Variants in PCDH15 observed in about 807,000 individuals in gnomAD.
The protein encoded by PCDH15 is protocadherin-15.
Under a neutral mutation model 178.5 loss-of-function variants are expected in PCDH15, and 129 were observed. The observed-to-expected ratio is 0.72, with a 90% CI of 0.63 to 0.84. The LOEUF is 0.84. Ranked by LOEUF, PCDH15 falls within the 40% of genes least tolerant of loss-of-function variation. PCDH15 has a pLI of 0.00. For missense variants in PCDH15, 2,230 were observed against 2,099.9 expected (o/e 1.06, Z -1.21); for synonymous variants, 800 against 732.0 (o/e 1.09, Z -1.50).
At chr10:53,909,663 G>C (rs147681140) in intron 25 of PCDH15, among the ~76,000 whole-genome samples, 1,989 of 152,302 alleles carry the variant, frequency 0.013, 16 homozygotes, top group Non-Finnish European at 0.021. Context: ...GTTGGACAGA[G>C]GGTGCAGCCC....
intron 25 of PCDH15, chr10:53,907,110 A>T (rs2082734861): frequency 6.6e-6 from 1 of 152,222 alleles, no homozygotes. Flanking sequence ...TATACAATGT[A>T]CATGACATCA....
At chr10:54,882,270 A>G (rs1004375694) in intron 3 of PCDH15, among the ~76,000 whole-genome samples, 9 of 152,206 alleles carry the variant, frequency 5.9e-5, no homozygotes, top group African/African-American at 2.2e-4. Flanking sequence ...AGCTAAAATA[A>G]AGTTTGCTTC....
chr10:55,101,037 A>G (rs1842563792), intron 2 of PCDH15, among the ~76,000 whole-genome samples: 1 of 152,060 alleles, frequency 6.6e-6, no homozygotes, highest in South Asian at 2.1e-4. Flanking sequence ...ATCATCACTT[A>G]TATGTTATTC....
At chr10:55,260,188 T>C (rs1842113613) in intron 1 of PCDH15, among the ~76,000 whole-genome samples, 1 of 151,996 alleles carries the variant, frequency 6.6e-6, no homozygotes, top group Non-Finnish European at 1.5e-5. Flanking sequence ...ATCCATTATA[T>C]GTGAAAAGAA....
intron 26 of PCDH15, among the ~76,000 whole-genome samples, chr10:53,897,728 C>T (rs2082048624): frequency 6.6e-6 from 1 of 152,072 alleles, no homozygotes; most frequent in East Asian, 1.9e-4. Flanking sequence ...CCCTGGCAGC[C>T]AATATTCTGC....
chr10:54,358,392 C>T (rs1449069922), intron 5 of PCDH15, among the ~76,000 whole-genome samples: 3 of 151,970 alleles, frequency 2.0e-5, no homozygotes, highest in Non-Finnish European at 4.4e-5. Flanking sequence ...ATTTATGCAG[C>T]CAAAAAACAC....
At chr10:54,973,473 A>G (rs1378907597) in intron 2 of PCDH15, among the ~76,000 whole-genome samples, 2 of 152,180 alleles carry the variant, frequency 1.3e-5, no homozygotes, top group Non-Finnish European at 2.9e-5. Flanking sequence ...GTAATTTGCT[A>G]CTATTTTGTG....
intron 1 of PCDH15, among the ~76,000 whole-genome samples, chr10:55,254,623 A>G (rs1296654399): frequency 2.6e-5 from 4 of 152,170 alleles, no homozygotes; most frequent in Admixed American, 6.5e-5. Flanking sequence ...GGAACCTACC[A>G]TTTTTGAAGA....
chr10:54,764,006 C>T (rs760754096), intron 1 of PCDH15, among the ~76,000 whole-genome samples: 8 of 151,320 alleles, frequency 5.3e-5, no homozygotes, highest in African/African-American at 7.3e-5. Context: ...TTAATCGACT[C>T]GAAGAAGAAA....
chr10:54,754,592 T>C (rs1432044193), intron 1 of PCDH15, among the ~76,000 whole-genome samples: 2 of 152,276 alleles, frequency 1.3e-5, no homozygotes, highest in East Asian at 3.9e-4. Flanking sequence ...TTTGAATAAG[T>C]ATTGACACTG....
chr10:54,270,492 G>A (rs192330035), intron 8 of PCDH15, among the ~76,000 whole-genome samples: 1 of 152,080 alleles, frequency 6.6e-6, no homozygotes, highest in Non-Finnish European at 1.5e-5. Flanking sequence ...AGGAAGGTAT[G>A]GGTAAGTTGG....
intron 1 of PCDH15, among the ~76,000 whole-genome samples, chr10:54,728,604 G>A (rs764454359): frequency 6.6e-6 from 1 of 151,238 alleles, no homozygotes; most frequent in African/African-American, 2.4e-5. Context: ...TAATGCAAGA[G>A]GAAGAAATAA....
intron 2 of PCDH15, among the ~76,000 whole-genome samples, chr10:55,009,141 A>G (rs573883414): frequency 5.6e-4 from 86 of 152,236 alleles, no homozygotes; most frequent in African/African-American, 2.0e-3. Context: ...TTCAAACTTC[A>G]TGTTATCCCT....
intron 21 of PCDH15, among the ~76,000 whole-genome samples, chr10:53,987,719 G>C (rs764986152): frequency 2.0e-5 from 3 of 152,088 alleles, no homozygotes; most frequent in African/African-American, 4.8e-5. Flanking sequence ...CCGCCCATGG[G>C]TTCCTAATCA....
chr10:54,048,114 G>C (rs1420079377), intron 18 of PCDH15, among the ~76,000 whole-genome samples: 1 of 152,072 alleles, frequency 6.6e-6, no homozygotes, highest in Non-Finnish European at 1.5e-5. Flanking sequence ...ACTGGTGTGA[G>C]ATGGTATCTC....
chr10:54,589,639 T>C (rs1295029100), intron 2 of PCDH15, among the ~76,000 whole-genome samples: 1 of 152,174 alleles, frequency 6.6e-6, no homozygotes, highest in African/African-American at 2.4e-5. Flanking sequence ...AAACAGTGTC[T>C]GTCATATAGC....
intron 2 of PCDH15, among the ~76,000 whole-genome samples, chr10:55,424,450 T>A (rs896631319): frequency 6.6e-5 from 10 of 152,166 alleles, no homozygotes; most frequent in African/African-American, 2.2e-4. Flanking sequence ...AGGTCTCACA[T>A]ATTGCAAATA....
intron 1 of PCDH15, among the ~76,000 whole-genome samples, chr10:55,296,032 C>T (rs1457268155): frequency 2.0e-5 from 3 of 152,088 alleles, no homozygotes; most frequent in Admixed American, 6.6e-5. Flanking sequence ...TGTAATGACT[C>T]ACGATTCAGG....
At chr10:54,604,805 T>G (rs2092679774) in intron 2 of PCDH15, among the ~76,000 whole-genome samples, 1 of 151,782 alleles carries the variant, frequency 6.6e-6, no homozygotes, top group Non-Finnish European at 1.5e-5. Context: ...TCTTGTTCCT[T>G]TTTTTCTTTC....
Sources: gnomAD v4.1 joint callset for allele counts (sites outside exome capture counted in the v4.1 genomes callset) on GRCh38, gnomAD v4.1.1 for gene constraint, MANE v1.5 for transcripts, NCBI Gene and HGNC (gene_info 2026-07-23, HGNC 2026-07-21) for gene names.